The following PIP5K1B variants were observed in gnomAD, a reference collection of about 807,000 sequenced individuals.
The protein encoded by PIP5K1B is phosphatidylinositol 4-phosphate 5-kinase type-1 beta.
A neutral mutation model predicts 67.0 loss-of-function variants in PIP5K1B; 42 were observed. The ratio of observed to expected loss-of-function variants is 0.63; its 90% CI spans 0.49 to 0.81. PIP5K1B has a LOEUF of 0.81. Among genes scored for constraint, PIP5K1B ranks in the 30% least tolerant of loss-of-function variants. The pLI, the probability that PIP5K1B is intolerant of heterozygous loss-of-function variation, is 0.00. For missense variants in PIP5K1B, 459 were observed against 646.3 expected, an observed-to-expected ratio of 0.71 and a Z score of 3.14; for synonymous variants, 214 against 231.4, an observed-to-expected ratio of 0.92 and a Z score of 0.68.
At chr9:68,901,287 T>TCTCA (rs1437291017) in intron 8 of PIP5K1B, among the ~76,000 whole-genome samples, 31 of 152,352 alleles carry the variant, frequency 2.0e-4, no homozygotes, top group African/African-American at 7.5e-4. Flanking sequence ...TGAAATGAAG[T>TCTCA]CTCACTCTGC....
chr9:68,730,107 G>T (rs2132286039), intron 1 of PIP5K1B, among the ~76,000 whole-genome samples: 1 of 152,270 alleles, frequency 6.6e-6, no homozygotes, highest in African/African-American at 2.4e-5. Context: ...TGAAAAAAGA[G>T]ACATAATGTT....
At chr9:68,764,233 C>T (rs1406002578) in intron 2 of PIP5K1B, among the ~76,000 whole-genome samples, 1 of 151,736 alleles carries the variant, frequency 6.6e-6, no homozygotes, top group Non-Finnish European at 1.5e-5. Context: ...TAAGTGGTCT[C>T]CATAGTGTTC....
At chr9:68,916,907 A>G (rs960206864) in intron 8 of PIP5K1B, among the ~76,000 whole-genome samples, 6 of 151,802 alleles carry the variant, frequency 4.0e-5, no homozygotes, top group Admixed American at 1.3e-4. Flanking sequence ...TGAGAAGAAG[A>G]CCACTAACTT....
At chr9:68,820,912 A>C (rs986841116) in intron 3 of PIP5K1B, among the ~76,000 whole-genome samples, 2 of 152,254 alleles carry the variant, frequency 1.3e-5, no homozygotes, top group African/African-American at 4.8e-5. Flanking sequence ...ATTAGAATTC[A>C]CAAAGATACG....
At chr9:68,963,581 C>A (rs1023552162) in intron 14 of PIP5K1B, among the ~76,000 whole-genome samples, 1 of 152,044 alleles carries the variant, frequency 6.6e-6, no homozygotes, top group Non-Finnish European at 1.5e-5. Flanking sequence ...GTCACATGAC[C>A]CTGTAGTCAG....
intron 4 of PIP5K1B, among the ~76,000 whole-genome samples, chr9:68,832,508 C>T (rs1425348140): frequency 1.3e-5 from 2 of 152,222 alleles, no homozygotes; most frequent in African/African-American, 4.8e-5. Flanking sequence ...CCTGTGTCAG[C>T]TGCTTTTATT....
intron 1 of PIP5K1B, among the ~76,000 whole-genome samples, chr9:68,739,478 G>A (rs1328971512): frequency 2.0e-5 from 3 of 152,186 alleles, no homozygotes; most frequent in Non-Finnish European, 2.9e-5. Context: ...AAGAGGCCAC[G>A]TTAGCACATT....
At chr9:68,841,582 T>C (rs935895062) in intron 4 of PIP5K1B, among the ~76,000 whole-genome samples, 20 of 152,200 alleles carry the variant, frequency 1.3e-4, no homozygotes, top group Non-Finnish European at 2.2e-4. Context: ...TTGGATAAAC[T>C]TAGATGGATT....
rs558810934 is a variant in PIP5K1B, at chr9:68,735,316, C to CTTTT, written c.-242-7160_-242-7157dup. Reference sequence around the variant, plus strand: ...CAGATTTGCTGTTTTCCCCTAGTGTCTTTTTTTTTTTTTTTTTTTTTTTTT... The same window carrying CTTTT: ...CAGATTTGCTGTTTTCCCCTAGTGTCTTTTTTTTTTTTTTTTTTTTTTTTTTTTT... On this transcript the variant is annotated intron_variant, in intron 1 of 15. Transcript: ENST00000265382. Among the ~76,000 whole-genome samples the CTTTT allele has an allele frequency of 5.7e-4, 17 of 29,806 alleles. 4 individuals are homozygous for CTTTT. The highest frequency in any genetic ancestry group is 2.2e-3 in the African/African-American group (17 of 7,598). 19.6% of individuals were successfully genotyped at this position (29,806 alleles called of 152,430 possible). A position where few individuals can be genotyped will look rare whatever the true frequency, so the allele number is the denominator to read the frequency against.
At chr9:68,718,118 A>G (rs1040808288) in intron 1 of PIP5K1B, among the ~76,000 whole-genome samples, 2 of 152,254 alleles carry the variant, frequency 1.3e-5, no homozygotes, top group African/African-American at 2.4e-5. Context: ...GTCCACTCCT[A>G]TGAAACCACA....
At chr9:69,002,890 C>T (rs1329405170) in intron 15 of PIP5K1B, among the ~76,000 whole-genome samples, 1 of 151,996 alleles carries the variant, frequency 6.6e-6, no homozygotes, top group Non-Finnish European at 1.5e-5. Flanking sequence ...GGCTAAGGCA[C>T]GAGAATCACT....
chr9:68,723,712 T>TTTTTA (rs1828011365), intron 1 of PIP5K1B, among the ~76,000 whole-genome samples: 3 of 148,992 alleles, frequency 2.0e-5, no homozygotes, highest in Non-Finnish European at 4.5e-5. Context: ...TTTTTTTTTT[T>TTTTTA]TTTTTGCTAT....
At chr9:68,974,703 T>C (rs1223938781) in intron 14 of PIP5K1B, among the ~76,000 whole-genome samples, 1 of 152,230 alleles carries the variant, frequency 6.6e-6, no homozygotes, top group Admixed American at 6.5e-5. Context: ...CTGCACCTCT[T>C]TGAAGCTAGC....
Position 68,940,708 on chromosome 9 carries a change from T to G in PIP5K1B, c.1420T>G (p.Ser474Ala). The G allele has an allele frequency of 6.2e-7, 1 of 1,614,052 alleles. No homozygotes were observed. The highest frequency in any genetic ancestry group is 8.5e-7 in the Non-Finnish European group (1 of 1,179,926). ...CACTCCATCACTGTTTGAAGCTGCT[T>G]CCTTGGCAACCACAATTTCATCTTC... ...PSTPSLFEAASLATTISSSSL... is the reference protein window; with the variant it reads ...PSTPSLFEAAALATTISSSSL... Residue 474 changes from serine (S) to alanine (A), a missense_variant, in exon 14 of 16, where the codon TCC becomes GCC. Around this residue, in one of 2 missense-constraint regions of PIP5K1B, gnomAD observed 169 missense variants for 171.9 expected, o/e 0.98. Transcript: ENST00000265382.
At chr9:68,864,326 T>G (rs187933940) in intron 5 of PIP5K1B, among the ~76,000 whole-genome samples, 134 of 152,364 alleles carry the variant, frequency 8.8e-4, no homozygotes, top group Admixed American at 4.1e-3. Context: ...AAGCAGCAAC[T>G]GGTGCTAGGT....
intron 4 of PIP5K1B, among the ~76,000 whole-genome samples, chr9:68,828,416 A>T (rs1376029374): frequency 6.6e-6 from 1 of 152,168 alleles, no homozygotes; most frequent in Non-Finnish European, 1.5e-5. Context: ...TGGGAAACTG[A>T]CCAGACCAGG....
intron 1 of PIP5K1B, among the ~76,000 whole-genome samples, chr9:68,723,937 A>C (rs1828026624): frequency 1.3e-5 from 2 of 151,984 alleles, no homozygotes; most frequent in Admixed American, 1.3e-4. Flanking sequence ...TACCCAAAAA[A>C]TTATTGCCCA....
chr9:68,889,163 A>G (rs1824639978), intron 7 of PIP5K1B, 30 bp downstream of exon 7: 1 of 1,547,546 alleles, frequency 6.5e-7, no homozygotes, highest in South Asian at 1.2e-5. Flanking sequence ...TAATGCTTCT[A>G]CTTGAAGTTT....
intron 1 of PIP5K1B, among the ~76,000 whole-genome samples, chr9:68,741,191 T>A (rs1828989042): frequency 6.6e-6 from 1 of 152,208 alleles, no homozygotes; most frequent in Non-Finnish European, 1.5e-5. Flanking sequence ...AAACAGTGTG[T>A]GTACATACAT....
Sources: allele counts gnomAD v4.1 joint callset (sites outside exome capture counted in the v4.1 genomes callset), GRCh38; gene constraint gnomAD v4.1.1; regional missense constraint gnomAD v4.1.1; transcripts MANE v1.5; gene names NCBI Gene and HGNC (gene_info 2026-07-23, HGNC 2026-07-21).